Variants in TMEM63A observed in about 807,000 individuals in gnomAD.
TMEM63A encodes the protein mechanosensitive cation channel TMEM63A.
Under a neutral mutation model 100.6 loss-of-function variants are expected in TMEM63A, and 76 were observed. That is an observed-to-expected ratio of 0.76 (90% CI 0.63 to 0.91). The LOEUF is 0.91. Among genes scored for constraint, TMEM63A ranks in the 40% least tolerant of loss-of-function variants. The pLI is 0.00. For synonymous variants in TMEM63A, 401 were observed against 401.1 expected, an observed-to-expected ratio of 1.00 and a Z score of 0.00; for missense variants, 876 against 1,008.8, an observed-to-expected ratio of 0.87 and a Z score of 1.78.
At chr1:225,861,228 T>A (rs1669918506) in intron 13 of TMEM63A, 1 of 372,764 alleles carries the variant, frequency 2.7e-6, no homozygotes, top group African/African-American at 2.1e-5. Context: ...ATTCCCATTT[T>A]ACAGATAAGG....
At chr1:225,850,224 C>T (rs1354067986) in intron 20 of TMEM63A, 145 bp from the exon 21 acceptor site, 17 of 883,362 alleles carry the variant, frequency 1.9e-5, no homozygotes, top group African/African-American at 3.4e-5. Flanking sequence ...AGGCATCCTG[C>T]ACCTCTGGCT....
chr1:225,861,875 G>A, intron 13 of TMEM63A: 1 of 314,472 alleles, frequency 3.2e-6, no homozygotes, highest in South Asian at 4.5e-5. Flanking sequence ...AAAGGAGGGT[G>A]CCTCCATCTC....
chr1:225,857,376 C>CGGGGTGGGGGGGGGG (rs1213111924), intron 15 of TMEM63A, among the ~76,000 whole-genome samples: 7 of 3,270 alleles, frequency 2.1e-3, no homozygotes, highest in African/African-American at 4.3e-3. Context: ...GAGTCCTGGC[C>CGGGGTGGGGGGGGGG]GGCGGGGCGG....
intron 15 of TMEM63A, 75 bp downstream of exon 15, chr1:225,859,121 C>A: frequency 3.7e-6 from 6 of 1,600,666 alleles, no homozygotes; most frequent in Non-Finnish European, 5.1e-6. Context: ...CACTCCTGTC[C>A]CCACTCCTTC....
intron 4 of TMEM63A, among the ~76,000 whole-genome samples, chr1:225,873,886 G>A (rs1422163194): frequency 1.3e-5 from 2 of 152,218 alleles, no homozygotes; most frequent in South Asian, 2.1e-4. Context: ...AAAGCCCTCA[G>A]TATCTAAAGC....
chr1:225,852,805 G>C (rs1669417366), intron 19 of TMEM63A, 36 bp from the exon 20 acceptor site: 3 of 1,582,960 alleles, frequency 1.9e-6, no homozygotes, highest in East Asian at 2.2e-5. Flanking sequence ...TCATGGACTT[G>C]TTCCACCTCA....
chr1:225,842,274 C>T, downstream of TMEM63A: 1 of 969,340 alleles, frequency 1.0e-6, no homozygotes, highest in Admixed American at 1.8e-5. Flanking sequence ...CACAGCCCCG[C>T]CCTCTGCGGC....
intron 13 of TMEM63A, chr1:225,861,759 G>A (rs542320474): frequency 4.9e-4 from 94 of 192,010 alleles, no homozygotes; most frequent in African/African-American, 2.1e-3. Context: ...GCTCCCCACT[G>A]CAGTGAGCGC....
intron 15 of TMEM63A, among the ~76,000 whole-genome samples, chr1:225,857,391 G>T (rs201102201): frequency 1.1e-4 from 15 of 133,122 alleles, no homozygotes; most frequent in East Asian, 2.8e-4. Context: ...GGGCGGGGGG[G>T]GGGGGGTGCC....
At chr1:225,854,818 G>GCTGAGA (rs1258168219) in intron 18 of TMEM63A, among the ~76,000 whole-genome samples, 2 of 152,218 alleles carry the variant, frequency 1.3e-5, no homozygotes, top group Non-Finnish European at 2.9e-5. Context: ...AGAACTGGGG[G>GCTGAGA]CTGAGCCTTC....
intron 15 of TMEM63A, 89 bp downstream of exon 15, chr1:225,859,107 A>ACCCCACTCCTGT (rs1264600931): frequency 3.2e-6 from 5 of 1,574,968 alleles, no homozygotes; most frequent in Admixed American, 1.7e-5. Flanking sequence ...CCCCGCACAC[A>ACCCCACTCCTGT]CCCCACTCCT....
chr1:225,877,548 C>T lies in TMEM63A; in HGVS notation c.33G>A (p.Gln11=). 1.2e-6 allele frequency: 2 copies of T among 1,614,082 alleles called. No homozygotes were observed. Among genetic ancestry groups the T allele is most frequent in the Non-Finnish European group, 8.5e-7 (1 of 1,179,952 alleles). The part of the protein sequence containing the change: MMDSPFLELW[Q]SKAVSIREQL... ...GCTCCCTGATGGACACTGCCTTGGA[C>T]TGCCACAGCTCCAGGAACGGGGAGT... The change falls in exon 3 of 25, where the codon CAG becomes CAA. Residue 11 remains glutamine, a synonymous_variant. Transcript: ENST00000366835.
At chr1:225,870,793 T>C (rs1297658880) in intron 6 of TMEM63A, among the ~76,000 whole-genome samples, 2 of 152,178 alleles carry the variant, frequency 1.3e-5, no homozygotes, top group African/African-American at 4.8e-5. Flanking sequence ...CAAGAACTCT[T>C]GGGATCCAGC....
intron 21 of TMEM63A, 53 bp from the exon 22 acceptor site, chr1:225,849,065 A>G: frequency 8.1e-7 from 1 of 1,241,284 alleles, no homozygotes; most frequent in South Asian, 1.3e-5. Context: ...GCCACCACCT[A>G]CCCTCACCCT....
rs1315712061 is a variant in TMEM63A, at chr1:225,865,826, C to T, written c.746+71G>A. 18 of 1,534,668 alleles carry T rather than the reference C, an allele frequency of 1.2e-5. No individual in the cohort carries two copies. Among genetic ancestry groups the T allele is most frequent in the African/African-American group, 4.1e-5 (3 of 72,976 alleles). On this transcript the variant is annotated intron_variant, in intron 10 of 24. Coordinates refer to ENST00000366835, the MANE Select transcript of TMEM63A (RefSeq NM_014698.3). This position sits in a 1 kb window ranked among gnomAD's most constrained non-coding sequence, Gnocchi z 4.6. ...ACAGAAGGCGCTCACCTAAGGTGCT[C>T]GCCCTGCGGGTGGGGCTGTGTTGGT...
chr1:225,872,683 T>C (rs111384100), intron 4 of TMEM63A, among the ~76,000 whole-genome samples: 1,307 of 129,898 alleles, frequency 0.01, 9 homozygotes, highest in Admixed American at 0.02. Context: ...TGTGACTGCT[T>C]TTCTTCTTTT....
intron 1 of TMEM63A, among the ~76,000 whole-genome samples, chr1:225,881,199 G>A (rs1025914869): frequency 6.6e-6 from 1 of 152,230 alleles, no homozygotes; most frequent in African/African-American, 2.4e-5. Flanking sequence ...GTGTGGCTCA[G>A]GGATTATGTG....
chr1:225,878,883 CCT>C (rs71877979), intron 2 of TMEM63A, among the ~76,000 whole-genome samples: 1,969 of 84,302 alleles, frequency 0.023, 27 homozygotes, highest in East Asian at 0.07. Flanking sequence ...TACCTACCTA[CCT>C]ACACACACAC....
Position 225,871,738 on chromosome 1 carries a change from G to C in TMEM63A, c.333+249C>G, listed in dbSNP as rs1670516055. On this transcript the variant is annotated intron_variant, in intron 5 of 24. Coordinates refer to ENST00000366835, the MANE Select transcript of TMEM63A (RefSeq NM_014698.3). ...CATACAAAGCCATAGGTGTAAGAGAGAGAAGTGCTGGGGAAGCCCAAGGGA... is the reference window on the plus strand; with the variant it reads ...CATACAAAGCCATAGGTGTAAGAGACAGAAGTGCTGGGGAAGCCCAAGGGA... 6 of 506,520 alleles carry C rather than the reference G, an allele frequency of 1.2e-5. No individual in the cohort carries two copies. In the South Asian group the frequency reaches 1.6e-4, roughly 13 times the overall value. The allele number at this position is 506,520 out of a possible 1,614,324, so 31.4% of individuals were successfully genotyped here. A position where few individuals can be genotyped will look rare whatever the true frequency, so the allele number is the denominator to read the frequency against.
Sources: gnomAD v4.1 joint callset for allele counts (sites outside exome capture counted in the v4.1 genomes callset) on GRCh38, gnomAD v4.1.1 for gene constraint, Gnocchi (gnomAD v3.1) non-coding constraint, MANE v1.5 for transcripts, NCBI Gene and HGNC (gene_info 2026-07-23, HGNC 2026-07-21) for gene names.